Variants in PXN observed in about 807,000 individuals in gnomAD.
PXN encodes the protein paxillin, also known as testicular tissue protein Li 134.
Under a neutral mutation model 103.6 loss-of-function variants are expected in PXN, and 61 were observed. The ratio of observed to expected loss-of-function variants is 0.59; its 90% confidence interval spans 0.48 to 0.73. PXN has a LOEUF of 0.73. PXN is among the 30% of genes least tolerant of loss of function. The pLI is 0.00. For synonymous variants in PXN, 562 were observed against 607.8 expected (o/e 0.92, Z 1.11); for missense variants, 1,274 against 1,460.3 (o/e 0.87, Z 2.08).
rs1885401548 is a variant in PXN, at chr12:120,222,278, T to C, written c.695+271A>G. On this transcript the variant is annotated intron_variant, in intron 5 of 14. Coordinates refer to ENST00000637617, the MANE Select transcript of PXN (RefSeq NM_001385981.1). The surrounding 1 kb of genome is among the most constrained non-coding windows in gnomAD (Gnocchi z 4.7). ...CTGACAGTAACTGTCAGAGCCAAGA[T>C]GTGAACCCCACTGTGTGGCCCCAAA... 6.6e-6 allele frequency among the ~76,000 whole-genome samples: 1 copy of C among 152,232 alleles called. No homozygotes were observed.
intron 1 of PXN, among the ~76,000 whole-genome samples, chr12:120,255,022 T>C (rs1212113916): frequency 6.6e-6 from 1 of 151,624 alleles, no homozygotes; most frequent in Non-Finnish European, 1.5e-5. Flanking sequence ...AGGGAGTAGA[T>C]GAGAAGGGAG....
intron 1 of PXN, chr12:120,226,063 C>A: frequency 2.8e-6 from 3 of 1,085,862 alleles, no homozygotes; most frequent in Non-Finnish European, 3.4e-6. Context: ...TCTAGCAAAC[C>A]GGAACTAGAG....
Position 120,216,671 on chromosome 12 carries a change from C to T in PXN, c.1993-90G>A. On this transcript the variant is annotated intron_variant, in intron 8 of 14. Coordinates refer to ENST00000637617, the MANE Select transcript of PXN (RefSeq NM_001385981.1). The surrounding 1 kb of genome is among the most constrained non-coding windows in gnomAD (Gnocchi z 5.1). ...GGGACCTCCCCAGGCTCCCCCTGGG[C>T]CTTCCCACTCTGCACCAAGAGTGGG... The T allele has an allele frequency of 6.3e-7, 1 of 1,580,362 alleles. No individual in the cohort carries two copies. The highest frequency in any genetic ancestry group is 8.5e-7 in the Non-Finnish European group (1 of 1,174,370).
chr12:120,244,779 G>A (rs1003932457), intron 1 of PXN, among the ~76,000 whole-genome samples: 1 of 150,992 alleles, frequency 6.6e-6, no homozygotes, highest in Middle Eastern at 3.5e-3. Context: ...CCAAGATCAC[G>A]CCACTGCACT....
At chr12:120,226,526 T>A (rs1886917985) in intron 1 of PXN, 1 of 1,235,774 alleles carries the variant, frequency 8.1e-7, no homozygotes, top group Admixed American at 2.7e-5. Context: ...GGCTTCCTTG[T>A]CAAACATTTT....
In PXN at chr12:120,221,593, G is replaced by A. The variant is rs1390192834; in HGVS notation, c.831+30C>T. 2 of 1,548,880 alleles carry A rather than the reference G, an allele frequency of 1.3e-6. No individual in the cohort carries two copies. Among genetic ancestry groups the A allele is most frequent in the Non-Finnish European group, 1.7e-6 (2 of 1,145,290 alleles). ...GAGAAGGATGAGGGAGGGGCGGCAGGGCAGGGAAGATGGAGGGTTCACAGG... is the reference window on the plus strand; with the variant it reads ...GAGAAGGATGAGGGAGGGGCGGCAGAGCAGGGAAGATGGAGGGTTCACAGG... On this transcript the variant is annotated intron_variant, in intron 6 of 14. Coordinates refer to ENST00000637617, the MANE Select transcript of PXN (RefSeq NM_001385981.1). The surrounding 1 kb of genome is among the most constrained non-coding windows in gnomAD (Gnocchi z 6.6).
Position 120,217,770 on chromosome 12 carries a change from T to G in PXN, c.1717-654A>C, listed in dbSNP as rs1210543967. ...AATTTTTGTTGTTGTTGTTTTTTGT[T>G]TTTTTTTTTAGTAGAGATGGGGTTT... On this transcript the variant is annotated intron_variant, in intron 7 of 14. Coordinates refer to ENST00000637617, the MANE Select transcript of PXN (RefSeq NM_001385981.1). The surrounding 1 kb of genome is among the most constrained non-coding windows in gnomAD (Gnocchi z 4.1). Among the ~76,000 whole-genome samples, 3 of 148,906 alleles carry G rather than the reference T, an allele frequency of 2.0e-5. No homozygotes were observed. The highest frequency in any genetic ancestry group is 7.4e-5 in the African/African-American group (3 of 40,682).
At chr12:120,223,095 A>T in intron 3 of PXN, 96 bp from the exon 4 acceptor site, 1 of 1,589,180 alleles carries the variant, frequency 6.3e-7, no homozygotes, top group Non-Finnish European at 8.6e-7. Context: ...AAGGCAGAGG[A>T]GATGCGAAGT....
intron 3 of PXN, among the ~76,000 whole-genome samples, 196 bp from the exon 4 acceptor site, chr12:120,223,195 GCA>G (rs1202749028): frequency 6.6e-6 from 1 of 151,738 alleles, no homozygotes; most frequent in Non-Finnish European, 1.5e-5. Context: ...TGTAATCCCA[GCA>G]CTTTGGGAGG....
chr12:120,212,821 TCCTCCCACCTCGG>T lies in PXN; in HGVS notation c.2980-254_2980-242del, dbSNP rs1320782852. 2.4e-6 allele frequency: 1 copy of T among 416,380 alleles called. No homozygotes were observed. The highest frequency in any genetic ancestry group is 4.0e-5 in the East Asian group (1 of 24,758). 25.8% of individuals were successfully genotyped at this position (416,380 alleles called of 1,614,324 possible). On this transcript the variant is annotated intron_variant, in intron 14 of 14. Transcript: ENST00000637617. This position sits in a 1 kb window ranked among gnomAD's most constrained non-coding sequence, Gnocchi z 7.2. ...GCTGGTCAAATGTGGCCTCCTGCAA[TCCTCCCACCTCGG>T]CCTCCCACAGGGCTGGGATTATTTA...
In PXN at chr12:120,221,592, G is replaced by A; in HGVS notation, c.831+31C>T. The A allele has an allele frequency of 1.3e-6, 2 of 1,547,678 alleles. No individual in the cohort carries two copies. Among genetic ancestry groups the A allele is most frequent in the East Asian group, 2.4e-5 (1 of 41,292 alleles). ...GGAGAAGGATGAGGGAGGGGCGGCA[G>A]GGCAGGGAAGATGGAGGGTTCACAG... On this transcript the variant is annotated intron_variant, in intron 6 of 14. Coordinates refer to ENST00000637617, the MANE Select transcript of PXN (RefSeq NM_001385981.1). This position sits in a 1 kb window ranked among gnomAD's most constrained non-coding sequence, Gnocchi z 6.6.
At chr12:120,223,113 C>T (rs752307943) in intron 3 of PXN, 114 bp from the exon 4 acceptor site, 341 of 1,537,308 alleles carry the variant, frequency 2.2e-4, no homozygotes, top group Non-Finnish European at 2.8e-4. Flanking sequence ...AGTCTTCCCC[C>T]GCAAGAGGAC....
At chr12:120,249,892 G>GC in intron 1 of PXN, 1 of 985,514 alleles carries the variant, frequency 1.0e-6, no homozygotes, top group Non-Finnish European at 1.2e-6. Context: ...CCTCAAAGAC[G>GC]CATTGTGCCT....
intron 1 of PXN, among the ~76,000 whole-genome samples, chr12:120,232,698 A>G (rs1307749884): frequency 6.6e-6 from 1 of 152,184 alleles, no homozygotes; most frequent in Non-Finnish European, 1.5e-5. Context: ...CACCCCTGCT[A>G]ATCACCAACA....
At position 120,217,498 on chromosome 12, in the gene PXN, G is replaced by GT. The variant is rs776420870; in HGVS notation, c.1717-383dup. 7.9e-5 allele frequency among the ~76,000 whole-genome samples: 12 copies of GT among 152,330 alleles called. No homozygotes were observed. The highest frequency in any genetic ancestry group is 3.4e-3 in the Middle Eastern group (1 of 292). ...TTGCACAAGAATTATTCCAGAGGAT[G>GT]TAAGTGCATGCCCTTGACAAGGCAT... On this transcript the variant is annotated intron_variant, in intron 7 of 14. Transcript: ENST00000637617. This position sits in a 1 kb window ranked among gnomAD's most constrained non-coding sequence, Gnocchi z 4.1.
intron 1 of PXN, among the ~76,000 whole-genome samples, chr12:120,245,933 C>T (rs1891029513): frequency 1.3e-5 from 2 of 151,918 alleles, no homozygotes; most frequent in East Asian, 1.9e-4. Flanking sequence ...ACTGTTCTTA[C>T]ATTATACGTG....
chr12:120,231,907 G>A (rs1888125888), intron 1 of PXN, among the ~76,000 whole-genome samples: 1 of 152,234 alleles, frequency 6.6e-6, no homozygotes, highest in Non-Finnish European at 1.5e-5. Flanking sequence ...TGGGCTCCAG[G>A]AGCTTAAGCA....
At chr12:120,254,028 G>A (rs900922206) in intron 1 of PXN, among the ~76,000 whole-genome samples, 6 of 152,100 alleles carry the variant, frequency 3.9e-5, no homozygotes, top group Middle Eastern at 3.2e-3. Flanking sequence ...CTACAGGCCC[G>A]TGCCACCACG....
chr12:120,213,810 C>A lies in PXN; in HGVS notation c.2979+32G>T. ...CCCTCTCTCCCCACTGCCTGCTCCT[C>A]GCCCCTCCAGATGTGGTCAGGGGCT... On this transcript the variant is annotated intron_variant, in intron 14 of 14. Coordinates refer to ENST00000637617, the MANE Select transcript of PXN (RefSeq NM_001385981.1). This position sits in a 1 kb window ranked among gnomAD's most constrained non-coding sequence, Gnocchi z 4.2. 1 of 1,596,570 alleles carries A rather than the reference C, an allele frequency of 6.3e-7. No individual in the cohort carries two copies. Among genetic ancestry groups the A allele is most frequent in the Admixed American group, 1.7e-5 (1 of 57,270 alleles).
Sources: gnomAD v4.1 joint callset for allele counts (sites outside exome capture counted in the v4.1 genomes callset) on GRCh38, gnomAD v4.1.1 for gene constraint, Gnocchi (gnomAD v3.1) non-coding constraint, MANE v1.5 for transcripts, NCBI Gene and HGNC (gene_info 2026-07-23, HGNC 2026-07-21) for gene names.